The following TEAD3 variants were observed in gnomAD, a reference collection of about 807,000 sequenced individuals.
The protein encoded by TEAD3 is transcriptional enhancer factor TEF-5.
Under a neutral mutation model 55.6 loss-of-function variants are expected in TEAD3, and 15 were observed. That is an observed-to-expected ratio of 0.27 (90% CI 0.18 to 0.42). The LOEUF (loss-of-function observed/expected upper bound fraction) is 0.42, where lower values mean the gene tolerates loss of function less well. Among genes scored for constraint, TEAD3 ranks in the 10% least tolerant of loss-of-function variants. The probability of loss-of-function intolerance (pLI) is 1.00; values close to 1 mark genes in which losing one functional copy is unlikely to be tolerated. For missense variants in TEAD3, 407 were observed against 576.8 expected (o/e 0.71, Z 3.01); for synonymous variants, 210 against 232.2 (o/e 0.90, Z 0.87).
chr6:35,484,649 G>A lies in TEAD3; in HGVS notation c.203-25C>T, dbSNP rs762534967. The A allele has an allele frequency of 3.2e-6, 5 of 1,573,708 alleles. No homozygotes were observed. In the South Asian group the frequency reaches 3.5e-5, roughly 11 times the overall value. ...CCTAGATTGGGGTGAGAGAGAAAAT[G>A]AGGAGTGGGCAAAGGGTGGAGCCAG... On this transcript the variant is annotated intron_variant, in intron 2 of 12. Coordinates refer to ENST00000639578, the Ensembl canonical transcript of TEAD3. The surrounding 1 kb of genome is among the most constrained non-coding windows in gnomAD (Gnocchi z 5.8).
At chr6:35,474,846 T>G (rs1033045498), downstream of TEAD3, 7 of 565,558 alleles carry the variant, frequency 1.2e-5, no homozygotes, top group Non-Finnish European at 2.2e-5. Context: ...AGCCCTCCTC[T>G]CCTCTCTTCT....
chr6:35,489,036 C>A (rs982273879), intron 1 of TEAD3, among the ~76,000 whole-genome samples: 3 of 152,228 alleles, frequency 2.0e-5, no homozygotes, highest in Non-Finnish European at 4.4e-5. Context: ...GGATTACAGG[C>A]GTGAGCCACT....
intron 4 of TEAD3, chr6:35,480,014 C>T: frequency 1.4e-6 from 2 of 1,441,370 alleles, no homozygotes; most frequent in Non-Finnish European, 1.9e-6. Context: ...GGCCTGCACC[C>T]AGGAGGGTGC....
In TEAD3 at chr6:35,485,772, G is replaced by A. The variant is rs1000009023; in HGVS notation, c.202+689C>T. Reference sequence around the variant, plus strand: ...GCGGACCTGATCCCTTCCCACAGGCGCGCCCTGGGAAGGGCTGGGCCTGCC... The same window carrying A: ...GCGGACCTGATCCCTTCCCACAGGCACGCCCTGGGAAGGGCTGGGCCTGCC... On this transcript the variant is annotated intron_variant, in intron 2 of 12. Transcript: ENST00000639578. This position sits in a 1 kb window ranked among gnomAD's most constrained non-coding sequence, Gnocchi z 4.3. Among the ~76,000 whole-genome samples, 3 of 152,148 alleles carry A rather than the reference G, an allele frequency of 2.0e-5. No homozygotes were observed. Among genetic ancestry groups the A allele is most frequent in the African/African-American group, 2.4e-5 (1 of 41,456 alleles).
rs1168420272 is a variant in TEAD3, at chr6:35,484,668, G to A, written c.203-44C>T. The A allele has an allele frequency of 7.8e-6, 12 of 1,547,312 alleles. No homozygotes were observed. The highest frequency in any genetic ancestry group is 2.4e-5 in the East Asian group (1 of 41,830). On this transcript the variant is annotated intron_variant, in intron 2 of 12. Transcript: ENST00000639578. This position sits in a 1 kb window ranked among gnomAD's most constrained non-coding sequence, Gnocchi z 5.8. ...GAAAATGAGGAGTGGGCAAAGGGTG[G>A]AGCCAGAGGCTGGAGGCCCCCACCC...
At position 35,475,507 on chromosome 6, in the gene TEAD3, A is replaced by G. The variant is rs1327274085; in HGVS notation, c.1042-19T>C. The G allele has an allele frequency of 6.2e-7, 1 of 1,607,198 alleles. No homozygotes were observed. The highest frequency in any genetic ancestry group is 8.5e-7 in the Non-Finnish European group (1 of 1,174,652). The stretch of plus-strand genomic sequence containing the variant: ...ACTCAGTCTGCAGAGAATATGGAGA[A>G]GGCGTCACTCGGCCTGCCTGCTCCC... On this transcript the variant is annotated intron_variant, in intron 11 of 12. Coordinates refer to ENST00000639578, the Ensembl canonical transcript of TEAD3. The surrounding 1 kb of genome is among the most constrained non-coding windows in gnomAD (Gnocchi z 5.4).
At position 35,475,093 on chromosome 6, in the gene TEAD3, G is replaced by A. The variant is rs1354764708; in HGVS notation, c.1259C>T (p.Thr420Ile). The change falls in exon 13 of 13, where the codon ACC becomes ATC. Residue 420 changes from threonine (T) to isoleucine (I), a missense_variant. Transcript: ENST00000639578. This position sits in a 1 kb window ranked among gnomAD's most constrained non-coding sequence, Gnocchi z 5.4. Reference sequence around the variant, plus strand: ...ATGGTGCTGGGCCCCGTGCTCACTGGTGGAGACTTCGAAGACAAAAGCAAT... The same window carrying A: ...ATGGTGCTGGGCCCCGTGCTCACTGATGGAGACTTCGAAGACAAAAGCAAT... 1 of 1,599,486 alleles carries A rather than the reference G, an allele frequency of 6.3e-7. No homozygotes were observed. The highest frequency in any genetic ancestry group is 8.5e-7 in the Non-Finnish European group (1 of 1,172,712).
Position 35,475,824 on chromosome 6 carries a change from A to T in TEAD3, c.900+95T>A. 1 of 1,500,848 alleles carries T rather than the reference A, an allele frequency of 6.7e-7. No individual in the cohort carries two copies. Among genetic ancestry groups the T allele is most frequent in the Non-Finnish European group, 8.9e-7 (1 of 1,123,208 alleles). The allele number at this position is 1,500,848 out of a possible 1,614,324, so 93.0% of individuals were successfully genotyped here. A position where few individuals can be genotyped will look rare whatever the true frequency, so the allele number is the denominator to read the frequency against. On this transcript the variant is annotated intron_variant, in intron 10 of 12. Transcript: ENST00000639578. This position sits in a 1 kb window ranked among gnomAD's most constrained non-coding sequence, Gnocchi z 5.4. ...GGCACTCTGCCCACAAGCCATGAGGATGCAGCAGGGTCAGAGGTCAATGCA... is the reference window on the plus strand; with the variant it reads ...GGCACTCTGCCCACAAGCCATGAGGTTGCAGCAGGGTCAGAGGTCAATGCA...
chr6:35,489,286 C>T (rs368211184), intron 1 of TEAD3, among the ~76,000 whole-genome samples: 2 of 152,232 alleles, frequency 1.3e-5, no homozygotes, highest in East Asian at 3.9e-4. Flanking sequence ...ACCCAAGAAA[C>T]AGAGAAGTTA....
chr6:35,480,826 C>T (rs1274666622), intron 3 of TEAD3, among the ~76,000 whole-genome samples: 1 of 152,122 alleles, frequency 6.6e-6, no homozygotes. Context: ...CTAACCCTGT[C>T]CTCCCCGCAA....
intron 1 of TEAD3, among the ~76,000 whole-genome samples, chr6:35,494,153 C>T (rs1309552994): frequency 2.0e-5 from 3 of 152,224 alleles, no homozygotes; most frequent in Non-Finnish European, 2.9e-5. Context: ...AAGTCTCACC[C>T]ACATAGAATG....
intron 3 of TEAD3, chr6:35,480,335 G>A (rs1467114296): frequency 1.2e-6 from 2 of 1,613,754 alleles, no homozygotes; most frequent in Non-Finnish European, 1.7e-6. Flanking sequence ...TGGTACTCCC[G>A]CACCTTCTTC....
chr6:35,495,936 C>A (rs1768636187), intron 1 of TEAD3, among the ~76,000 whole-genome samples: 1 of 152,222 alleles, frequency 6.6e-6, no homozygotes, highest in South Asian at 2.1e-4. Flanking sequence ...AAGTCCGCCC[C>A]AAGGCCTCCT....
chr6:35,476,527 G>A (rs1768152479), intron 8 of TEAD3, 92 bp from the exon 9 acceptor site: 1 of 1,535,582 alleles, frequency 6.5e-7, no homozygotes, highest in East Asian at 2.3e-5. Flanking sequence ...CCCCTTTTGG[G>A]AAGGAACATG....
intron 1 of TEAD3, among the ~76,000 whole-genome samples, chr6:35,490,541 T>C (rs1222136361): frequency 6.6e-6 from 1 of 151,948 alleles, no homozygotes; most frequent in African/African-American, 2.4e-5. Context: ...GCTGTGCGAG[T>C]GCTCGGGAGG....
At position 35,495,598 on chromosome 6, in the gene TEAD3, T is replaced by G. The variant is rs189902546; in HGVS notation, c.-50+1300A>C. Among the ~76,000 whole-genome samples the G allele has an allele frequency of 6.4e-3, 979 of 151,904 alleles. 8 individuals carry two copies. Among genetic ancestry groups the G allele is most frequent in the Non-Finnish European group, 0.011 (741 of 67,916 alleles). On this transcript the variant is annotated intron_variant, in intron 1 of 12. Transcript: ENST00000639578. The stretch of plus-strand genomic sequence containing the variant: ...CCCAGAAGACCACAGAACCACATCC[T>G]TTAGGGAGTGCCCCTACGAGAGGGG...
chr6:35,487,539 G>A (rs1049520015), intron 1 of TEAD3, among the ~76,000 whole-genome samples: 6 of 120,798 alleles, frequency 5.0e-5, no homozygotes, highest in African/African-American at 1.4e-4. Flanking sequence ...GCAATAGAGC[G>A]AGACTCCTCA....
chr6:35,476,096 T>C lies in TEAD3; in HGVS notation c.727-4A>G, dbSNP rs1240405158. ...GCACAAACAGGTGTTTGCTGTACTGTGGGGAGGGCCCAGACAGGGTCAGGA... is the reference window on the plus strand; with the variant it reads ...GCACAAACAGGTGTTTGCTGTACTGCGGGGAGGGCCCAGACAGGGTCAGGA... On this transcript the variant is annotated splice_polypyrimidine_tract_variant and splice_region_variant and intron_variant, in intron 9 of 12. Coordinates refer to ENST00000639578, the Ensembl canonical transcript of TEAD3. 1.3e-6 allele frequency: 2 copies of C among 1,536,724 alleles called. No individual in the cohort carries two copies. The highest frequency in any genetic ancestry group is 1.8e-6 in the Non-Finnish European group (2 of 1,140,880).
chr6:35,493,411 C>T (rs746354580), intron 1 of TEAD3, among the ~76,000 whole-genome samples: 5 of 152,146 alleles, frequency 3.3e-5, no homozygotes, highest in Non-Finnish European at 7.3e-5. Flanking sequence ...GTCACCCACA[C>T]TACCCGAGAG....
Sources: gnomAD v4.1 joint callset for allele counts (sites outside exome capture counted in the v4.1 genomes callset) on GRCh38, gnomAD v4.1.1 for gene constraint, Gnocchi (gnomAD v3.1) non-coding constraint, MANE v1.5 for transcripts, NCBI Gene and HGNC (gene_info 2026-07-23, HGNC 2026-07-21) for gene names.